The following SASH1 variants were observed in gnomAD, a reference collection of about 807,000 sequenced individuals.
The protein encoded by SASH1 is SAM and SH3 domain containing 1.
Under a neutral mutation model 125.2 loss-of-function variants are expected in SASH1, and 44 were observed. The ratio of observed to expected loss-of-function variants is 0.35; its 90% CI spans 0.28 to 0.45. The LOEUF is 0.45. Among genes scored for constraint, SASH1 ranks in the 20% least tolerant of loss-of-function variants. The pLI, the probability that SASH1 is intolerant of heterozygous loss-of-function variation, is 1.00. For missense variants in SASH1, 1,426 were observed against 1,614.5 expected, an observed-to-expected ratio of 0.88 and a Z score of 2.00; for synonymous variants, 639 against 649.1, an observed-to-expected ratio of 0.98 and a Z score of 0.24.
chr6:148,302,530 A>C (rs1367655415), intron 1 of SASH1, among the ~76,000 whole-genome samples: 1 of 151,210 alleles, frequency 6.6e-6, no homozygotes, highest in East Asian at 1.9e-4. Context: ...TGTTTTTGTT[A>C]CTTCATGCTG....
the SASH1 span, among the ~76,000 whole-genome samples, chr6:148,232,173 A>T: frequency 1.1e-4 from 16 of 152,324 alleles, no homozygotes; most frequent in African/African-American, 3.8e-4. Context: ...GAAAAGGGAC[A>T]GGAGCCATTG....
chr6:148,297,901 T>C (rs1779806383), intron 1 of SASH1, among the ~76,000 whole-genome samples: 1 of 152,122 alleles, frequency 6.6e-6, no homozygotes. Flanking sequence ...ATACCACCAC[T>C]CTTGGTAAAA....
Position 148,519,945 on chromosome 6 carries a change from C to T in SASH1, c.1209+52C>T. 1 of 1,274,040 alleles carries T rather than the reference C, an allele frequency of 7.8e-7. No homozygotes were observed. The highest frequency in any genetic ancestry group is 1.1e-6 in the Non-Finnish European group (1 of 928,328). 78.9% of individuals were successfully genotyped at this position (1,274,040 alleles called of 1,614,324 possible). On this transcript the variant is annotated intron_variant, in intron 10 of 19. Transcript: ENST00000367467. The surrounding 1 kb of genome is among the most constrained non-coding windows in gnomAD (Gnocchi z 4.8). ...TGACAACCACCGTCGCAGGCACCAC[C>T]TTCTGGTGTCCCTGGAGGAGTTTCA...
intron 1 of SASH1, among the ~76,000 whole-genome samples, chr6:148,386,034 A>C (rs1783352789): frequency 6.6e-6 from 1 of 152,172 alleles, no homozygotes; most frequent in South Asian, 2.1e-4. Context: ...GTCTTGTGGG[A>C]CTGAGCCTTC....
chr6:148,497,222 C>G (rs530784505), intron 8 of SASH1, among the ~76,000 whole-genome samples: 1 of 152,274 alleles, frequency 6.6e-6, no homozygotes, highest in East Asian at 1.9e-4. Context: ...GAGAAATGCC[C>G]GTTTTGTTCC....
chr6:148,519,798 T>C lies in SASH1; in HGVS notation c.1114T>C (p.Phe372Leu). Residue 372 changes from phenylalanine to leucine, a missense_variant, in exon 10 of 20, where the codon TTC becomes CTC. This residue lies in a region of SASH1 where 567 missense variants were observed against 575.6 expected (regional missense o/e 0.99). Transcript: ENST00000367467. This position sits in a 1 kb window ranked among gnomAD's most constrained non-coding sequence, Gnocchi z 4.8. Reference protein sequence around the residue: ...LIKPPKKMGTFFSYPEEEKAQ... With the variant: ...LIKPPKKMGTLFSYPEEEKAQ... ...TAAGCCCCCCAAGAAGATGGGGACA[T>C]TCTTCTCCTACCCAGAAGAAGAAAA... 6.2e-7 allele frequency: 1 copy of C among 1,613,936 alleles called. No individual in the cohort carries two copies. Among genetic ancestry groups the C allele is most frequent in the Non-Finnish European group, 8.5e-7 (1 of 1,179,966 alleles).
At chr6:148,354,778 C>T (rs550890449) in intron 1 of SASH1, among the ~76,000 whole-genome samples, 18 of 152,106 alleles carry the variant, frequency 1.2e-4, no homozygotes, top group Non-Finnish European at 1.9e-4. Context: ...TTTATTTTCC[C>T]GCGAGATGGA....
intron 7 of SASH1, among the ~76,000 whole-genome samples, chr6:148,485,565 G>A (rs1441472141): frequency 6.6e-6 from 1 of 152,100 alleles, no homozygotes; most frequent in Non-Finnish European, 1.5e-5. Flanking sequence ...CAGATTTATC[G>A]TCATGCCTGT....
rs561364925 is a variant in SASH1, at chr6:148,520,030, C to G, written c.1209+137C>G. On this transcript the variant is annotated intron_variant, in intron 10 of 19. Coordinates refer to ENST00000367467, the MANE Select transcript of SASH1 (RefSeq NM_015278.5). The stretch of plus-strand genomic sequence containing the variant: ...GATACTAATTATTCCTGTTCCAGAG[C>G]TTTTCTCTGCCAGCGTCCCTCCAGA... The G allele has an allele frequency of 1.7e-5, 11 of 644,190 alleles. No individual in the cohort carries two copies. In the East Asian group the frequency reaches 2.7e-4, roughly 16 times the overall value. 39.9% of individuals were successfully genotyped at this position (644,190 alleles called of 1,614,324 possible).
chr6:148,229,748 G>C, the SASH1 span, among the ~76,000 whole-genome samples: 1 of 127,672 alleles, frequency 7.8e-6, no homozygotes. Context: ...TTGAGACAGA[G>C]TCTTGCTCTG....
chr6:148,272,985 C>T (rs1451984195), intron 1 of SASH1, among the ~76,000 whole-genome samples: 1 of 152,052 alleles, frequency 6.6e-6, no homozygotes, highest in Non-Finnish European at 1.5e-5. Flanking sequence ...TTGGGCTGAA[C>T]ATGGGGGCTC....
At chr6:148,338,842 T>A (rs563770163), upstream of SASH1, among the ~76,000 whole-genome samples, 6 of 151,804 alleles carry the variant, frequency 4.0e-5, no homozygotes, top group Non-Finnish European at 5.9e-5. Flanking sequence ...CCATTTCTAC[T>A]AAAAATCCAA....
At chr6:148,457,134 G>A (rs1283958791) in intron 4 of SASH1, among the ~76,000 whole-genome samples, 1 of 149,850 alleles carries the variant, frequency 6.7e-6, no homozygotes. Context: ...GTTTTTACTG[G>A]TTAGATCAAA....
At chr6:148,300,133 A>G (rs1779899100) in intron 1 of SASH1, among the ~76,000 whole-genome samples, 1 of 152,230 alleles carries the variant, frequency 6.6e-6, no homozygotes, top group Non-Finnish European at 1.5e-5. Context: ...TAAACTGAAT[A>G]TGGAAGGCTA....
the SASH1 span, among the ~76,000 whole-genome samples, chr6:148,202,736 C>T: frequency 6.6e-6 from 1 of 152,124 alleles, no homozygotes; most frequent in Admixed American, 6.5e-5. Context: ...AGGCAGATCA[C>T]CTGAGTCAGG....
chr6:148,281,718 C>T (rs903192962), intron 1 of SASH1, among the ~76,000 whole-genome samples: 2 of 152,044 alleles, frequency 1.3e-5, no homozygotes, highest in Non-Finnish European at 2.9e-5. Flanking sequence ...GTCAGGAGAT[C>T]GAGACCATCC....
rs531602024 is a variant in SASH1 at position 148,525,096 on chromosome 6, A to G, written c.1210-195A>G. 2.4e-4 allele frequency: 134 copies of G among 566,168 alleles called. No homozygotes were observed. In the South Asian group the frequency reaches 2.7e-3, roughly 11 times the overall value. 35.1% of individuals were successfully genotyped at this position (566,168 alleles called of 1,614,324 possible). ...GTAGGCAGAGTTCCAGTGGCCTGTG[A>G]AAGGGAAAAATGAGTGAAGTTTCCT... On this transcript the variant is annotated intron_variant, in intron 10 of 19. Coordinates refer to ENST00000367467, the MANE Select transcript of SASH1 (RefSeq NM_015278.5).
At chr6:148,329,759 A>C (rs2114598901) in intron 1 of SASH1, among the ~76,000 whole-genome samples, 1 of 152,306 alleles carries the variant, frequency 6.6e-6, no homozygotes, top group South Asian at 2.1e-4. Flanking sequence ...ATATTTGGTA[A>C]GGAGAAGAGT....
At chr6:148,421,122 G>GAA (rs200669272) in intron 2 of SASH1, among the ~76,000 whole-genome samples, 6,073 of 87,212 alleles carry the variant, frequency 0.07, 269 homozygotes, top group Non-Finnish European at 0.1. Flanking sequence ...GAAAAGAAAG[G>GAA]AAGAAAGGAA....
Sources: allele counts gnomAD v4.1 joint callset (sites outside exome capture counted in the v4.1 genomes callset), GRCh38; gene constraint gnomAD v4.1.1; regional missense constraint gnomAD v4.1.1; non-coding constraint Gnocchi (gnomAD v3.1); transcripts MANE v1.5; gene names NCBI Gene and HGNC (gene_info 2026-07-23, HGNC 2026-07-21).